Variants in SAMTOR observed in about 807,000 individuals in gnomAD.
The protein encoded by SAMTOR is UPF0532 protein C7orf60.
chr7:112,832,136 T>G, the SAMTOR span, among the ~76,000 whole-genome samples: 1 of 151,878 alleles, frequency 6.6e-6, no homozygotes, highest in Non-Finnish European at 1.5e-5. Flanking sequence ...CTCAGCCTCC[T>G]GAGTAGCTGG....
At chr7:112,932,727 A>T in the SAMTOR span, among the ~76,000 whole-genome samples, 1 of 152,182 alleles carries the variant, frequency 6.6e-6, no homozygotes, top group Admixed American at 6.5e-5. Context: ...AGGTAGGGGC[A>T]CTTACTTATG....
At chr7:112,928,776 T>G in the SAMTOR span, among the ~76,000 whole-genome samples, 1 of 151,992 alleles carries the variant, frequency 6.6e-6, no homozygotes, top group Non-Finnish European at 1.5e-5. Context: ...TCAATGTCAT[T>G]TTTCTAGAGA....
the SAMTOR span, among the ~76,000 whole-genome samples, chr7:112,838,522 A>T: frequency 6.6e-6 from 1 of 151,934 alleles, no homozygotes; most frequent in African/African-American, 2.4e-5. Context: ...AAGATCTGGA[A>T]CAAGGTGGAT....
the SAMTOR span, among the ~76,000 whole-genome samples, chr7:112,858,554 T>C: frequency 6.9e-6 from 1 of 145,432 alleles, no homozygotes; most frequent in Non-Finnish European, 1.5e-5. Flanking sequence ...ATACTTCTTA[T>C]TTATTTGTTA....
At chr7:112,841,947 AAACTT>A in the SAMTOR span, among the ~76,000 whole-genome samples, 2 of 152,144 alleles carry the variant, frequency 1.3e-5, no homozygotes, top group African/African-American at 2.4e-5. Context: ...TTAAAGACTT[AAACTT>A]AAGACCTAAA....
At chr7:112,822,782 G>A in the SAMTOR span, among the ~76,000 whole-genome samples, 97 of 152,070 alleles carry the variant, frequency 6.4e-4, 1 homozygote, top group East Asian at 0.011. Flanking sequence ...AAATAAAGAT[G>A]AATCAAATAA....
At chr7:112,913,823 T>C in the SAMTOR span, among the ~76,000 whole-genome samples, 3 of 152,322 alleles carry the variant, frequency 2.0e-5, no homozygotes, top group African/African-American at 7.2e-5. Flanking sequence ...TTGGCACACA[T>C]CACAACAGTG....
chr7:112,869,442 G>A, the SAMTOR span, among the ~76,000 whole-genome samples: 1 of 151,802 alleles, frequency 6.6e-6, no homozygotes, highest in Non-Finnish European at 1.5e-5. Context: ...CAACATCCGA[G>A]AAAGCCACTG....
chr7:112,933,424 G>A, the SAMTOR span, among the ~76,000 whole-genome samples: 2,352 of 152,238 alleles, frequency 0.015, 29 homozygotes, highest in Non-Finnish European at 0.024. Context: ...GAAATTTAAA[G>A]ACAACTTCTT....
chr7:112,876,059 C>A, the SAMTOR span, among the ~76,000 whole-genome samples: 1 of 152,138 alleles, frequency 6.6e-6, no homozygotes, highest in Admixed American at 6.5e-5. Context: ...CTCCTGAGCT[C>A]AAGTGATCCT....
the SAMTOR span, chr7:112,939,732 C>G: frequency 6.2e-7 from 1 of 1,603,712 alleles, no homozygotes; most frequent in African/African-American, 1.3e-5. Context: ...GTATTTCGGC[C>G]GCCGGCCCCT....
the SAMTOR span, among the ~76,000 whole-genome samples, chr7:112,914,658 T>C: frequency 2.6e-5 from 4 of 152,212 alleles, no homozygotes; most frequent in East Asian, 5.8e-4. Context: ...TTTACTTGAA[T>C]CTAAATAATT....
the SAMTOR span, among the ~76,000 whole-genome samples, chr7:112,908,299 T>C: frequency 6.6e-6 from 1 of 152,136 alleles, no homozygotes; most frequent in Non-Finnish European, 1.5e-5. Context: ...TCATGAATAA[T>C]TAAAGAGAAT....
chr7:112,890,290 C>A, the SAMTOR span, among the ~76,000 whole-genome samples: 1 of 152,106 alleles, frequency 6.6e-6, no homozygotes, highest in Non-Finnish European at 1.5e-5. Flanking sequence ...CAACCTCTAA[C>A]CTATCATTGT....
the SAMTOR span, among the ~76,000 whole-genome samples, chr7:112,924,647 C>T: frequency 4.6e-5 from 7 of 151,988 alleles, no homozygotes; most frequent in Non-Finnish European, 8.8e-5. Flanking sequence ...TGACTGGCCT[C>T]TCAATTTGTT....
the SAMTOR span, among the ~76,000 whole-genome samples, chr7:112,916,393 C>G: frequency 6.6e-6 from 1 of 152,070 alleles, no homozygotes; most frequent in African/African-American, 2.4e-5. Flanking sequence ...GTTCTTACAC[C>G]CCATAAGGAA....
the SAMTOR span, among the ~76,000 whole-genome samples, chr7:112,853,352 T>C: frequency 1.3e-5 from 2 of 152,168 alleles, no homozygotes; most frequent in Non-Finnish European, 2.9e-5. Context: ...AAATTTCATA[T>C]ACAGTTTTTA....
At chr7:112,884,159 T>C in the SAMTOR span, among the ~76,000 whole-genome samples, 1 of 152,178 alleles carries the variant, frequency 6.6e-6, no homozygotes, top group African/African-American at 2.4e-5. Flanking sequence ...TGCCCCATTA[T>C]TCAATTACCT....
the SAMTOR span, among the ~76,000 whole-genome samples, chr7:112,923,693 G>T: frequency 6.6e-6 from 1 of 151,766 alleles, no homozygotes; most frequent in Non-Finnish European, 1.5e-5. Context: ...CCATTACTGG[G>T]TATATACCCA....
Sources: gnomAD v4.1 joint callset for allele counts (sites outside exome capture counted in the v4.1 genomes callset) on GRCh38, gnomAD v4.1.1 for gene constraint, MANE v1.5 for transcripts, NCBI Gene and HGNC (gene_info 2026-07-23, HGNC 2026-07-21) for gene names.